The following RYR3 variants were observed in gnomAD, a reference collection of about 807,000 sequenced individuals.
RYR3 encodes brain ryanodine receptor-calcium release channel.
RYR3 carries 207 observed loss-of-function variants against 584.3 expected under a neutral mutation model. That is an observed-to-expected ratio of 0.35 (90% CI 0.32 to 0.40). The LOEUF (loss-of-function observed/expected upper bound fraction) is 0.40. RYR3 is among the 10% of genes least tolerant of loss of function. RYR3 has a pLI of 1.00. For synonymous variants in RYR3, 2,416 were observed against 2,248.5 expected, an observed-to-expected ratio of 1.07 and a Z score of -2.11; for missense variants, 5,616 against 6,089.2, an observed-to-expected ratio of 0.92 and a Z score of 2.59.
intron 10 of RYR3, among the ~76,000 whole-genome samples, chr15:33,559,298 T>A (rs1044333449): frequency 2.0e-5 from 3 of 152,104 alleles, no homozygotes; most frequent in Non-Finnish European, 4.4e-5. Flanking sequence ...GCTTGATGGA[T>A]GAGATGTTGT....
At chr15:33,563,131 G>A (rs554448902) in intron 11 of RYR3, 121 bp downstream of exon 11, 10 of 825,332 alleles carry the variant, frequency 1.2e-5, no homozygotes, top group Non-Finnish European at 1.5e-5. Context: ...ATTCAGAAGA[G>A]TTATTTTGTG....
At chr15:33,446,699 T>C (rs1234996713) in intron 1 of RYR3, among the ~76,000 whole-genome samples, 1 of 152,232 alleles carries the variant, frequency 6.6e-6, no homozygotes, top group Non-Finnish European at 1.5e-5. Context: ...TCTGAGGTAC[T>C]CTGGGTGTTA....
At chr15:33,535,641 A>G (rs1595488350) in intron 5 of RYR3, among the ~76,000 whole-genome samples, 1 of 152,368 alleles carries the variant, frequency 6.6e-6, no homozygotes, top group East Asian at 1.9e-4. Context: ...TATATCAGTA[A>G]AATAACTTGA....
intron 3 of RYR3, among the ~76,000 whole-genome samples, chr15:33,519,079 T>C (rs1421823247): frequency 6.6e-6 from 1 of 152,180 alleles, no homozygotes; most frequent in Non-Finnish European, 1.5e-5. Context: ...ATTAACTGCA[T>C]CTTTTCCCAG....
rs144010236 is a variant in RYR3 at position 33,451,750 on chromosome 15, T to C, written c.52-21669T>C. 1.5e-3 allele frequency among the ~76,000 whole-genome samples: 223 copies of C among 152,284 alleles called. 1 individual carries two copies. Among genetic ancestry groups the C allele is most frequent in the African/African-American group, 5.3e-3 (221 of 41,558 alleles). ...AAAAGTTGAAGCCTGAAAATTTGAG[T>C]TATTAATATTTCTGCTTTATAGTTT... On this transcript the variant is annotated intron_variant, in intron 1 of 103. Coordinates refer to ENST00000634891, the MANE Select transcript of RYR3 (RefSeq NM_001036.6).
intron 1 of RYR3, among the ~76,000 whole-genome samples, chr15:33,457,444 A>G (rs535762363): frequency 6.6e-6 from 1 of 152,338 alleles, no homozygotes; most frequent in South Asian, 2.1e-4. Context: ...TTGCAGCAGG[A>G]TAGATGAGCC....
At chr15:33,798,639 A>C (rs925552148) in intron 67 of RYR3, among the ~76,000 whole-genome samples, 3 of 152,226 alleles carry the variant, frequency 2.0e-5, no homozygotes, top group African/African-American at 7.2e-5. Context: ...GCTATAGTTA[A>C]AGGGAAGCTG....
At chr15:33,779,439 G>A (rs2074244397) in intron 64 of RYR3, among the ~76,000 whole-genome samples, 1 of 152,084 alleles carries the variant, frequency 6.6e-6, no homozygotes, top group Non-Finnish European at 1.5e-5. Flanking sequence ...TCAAGCAGTA[G>A]GTTTTAGGAC....
intron 1 of RYR3, among the ~76,000 whole-genome samples, chr15:33,377,798 T>C (rs1192839890): frequency 6.6e-6 from 1 of 152,132 alleles, no homozygotes. Context: ...AAATCTTTTT[T>C]TTTCCCCCCT....
intron 1 of RYR3, among the ~76,000 whole-genome samples, chr15:33,409,203 C>T (rs1014834287): frequency 6.6e-6 from 1 of 152,076 alleles, no homozygotes; most frequent in South Asian, 2.1e-4. Flanking sequence ...AATAGGCCTT[C>T]TTTAAGTTTT....
chr15:33,321,404 CCTCT>C (rs1968946620), intron 1 of RYR3, among the ~76,000 whole-genome samples: 2 of 152,200 alleles, frequency 1.3e-5, no homozygotes, highest in South Asian at 4.1e-4. Flanking sequence ...CTTACTCCCT[CCTCT>C]CTATCAAACC....
chr15:33,380,035 TA>T (rs2041068990), intron 1 of RYR3, among the ~76,000 whole-genome samples: 1 of 152,190 alleles, frequency 6.6e-6, no homozygotes, highest in African/African-American at 2.4e-5. Context: ...TGCTTTGTTC[TA>T]GCCGCACTGG....
At chr15:33,770,452 G>A (rs891182162) in intron 62 of RYR3, among the ~76,000 whole-genome samples, 1 of 152,084 alleles carries the variant, frequency 6.6e-6, no homozygotes, top group Non-Finnish European at 1.5e-5. Flanking sequence ...CAAAACCTGG[G>A]ACTAGAAAGT....
Position 33,649,118 on chromosome 15 carries a change from G to A in RYR3, c.4025G>A (p.Cys1342Tyr). The A allele has an allele frequency of 6.2e-7, 1 of 1,613,812 alleles. No homozygotes were observed. The highest frequency in any genetic ancestry group is 8.5e-7 in the Non-Finnish European group (1 of 1,179,876). ...ATCTTTGCTGGACAGGATCCATCCT[G>A]TGTCTGGGTCGGATGGGTGACTCCA... The part of the protein sequence containing the change: ...IRIFAGQDPS[C>Y]VWVGWVTPDY... The change falls in exon 31 of 104, where the codon TGT (cysteine) becomes TAT (tyrosine). Residue 1342 changes from cysteine to tyrosine, a missense_variant. By Grantham distance (194) the Cys-to-Tyr change is radical. Transcript: ENST00000634891.
At chr15:33,778,986 A>G (rs2074207845) in intron 64 of RYR3, among the ~76,000 whole-genome samples, 1 of 152,230 alleles carries the variant, frequency 6.6e-6, no homozygotes, top group South Asian at 2.1e-4. Flanking sequence ...ATAGTAATTT[A>G]AAAGATCACT....
chr15:33,380,955 T>C (rs1444288073), intron 1 of RYR3, among the ~76,000 whole-genome samples: 1 of 152,230 alleles, frequency 6.6e-6, no homozygotes, highest in African/African-American at 2.4e-5. Flanking sequence ...TGTTCACTCA[T>C]GATTTTGGTC....
chr15:33,602,564 T>C (rs2059715871), intron 17 of RYR3, among the ~76,000 whole-genome samples: 1 of 152,102 alleles, frequency 6.6e-6, no homozygotes, highest in Non-Finnish European at 1.5e-5. Flanking sequence ...ATCTTACAAA[T>C]CTGTATAACA....
chr15:33,361,218 G>T (rs1974720490), intron 1 of RYR3, among the ~76,000 whole-genome samples: 1 of 152,140 alleles, frequency 6.6e-6, no homozygotes, highest in Admixed American at 6.5e-5. Flanking sequence ...CTCCTCTTTG[G>T]TAAAGACACC....
intron 1 of RYR3, among the ~76,000 whole-genome samples, chr15:33,405,289 A>G (rs2042946873): frequency 6.6e-6 from 1 of 152,150 alleles, no homozygotes; most frequent in Admixed American, 6.5e-5. Context: ...ACCACTCCTG[A>G]TTCACTTCAT....
Sources: allele counts gnomAD v4.1 joint callset (sites outside exome capture counted in the v4.1 genomes callset), GRCh38; gene constraint gnomAD v4.1.1; transcripts MANE v1.5; gene names NCBI Gene and HGNC (gene_info 2026-07-23, HGNC 2026-07-21).